Variants in CDC42EP4 observed in about 807,000 individuals in gnomAD.
The protein encoded by CDC42EP4 is CDC42 effector protein (Rho GTPase binding) 4.
CDC42EP4 carries 6 observed loss-of-function variants against 5.6 expected under a neutral mutation model. That is an observed-to-expected ratio of 1.07 (90% CI 0.59 to 2.12). The LOEUF is 2.12. Ranked by LOEUF, CDC42EP4 falls within the 30% of genes most tolerant of loss-of-function variation. The pLI is 0.00. For missense variants in CDC42EP4, 490 were observed against 508.6 expected, an observed-to-expected ratio of 0.96 and a Z score of 0.35; for synonymous variants, 230 against 224.2, an observed-to-expected ratio of 1.03 and a Z score of -0.23.
In CDC42EP4 at chr17:73,283,751, G is replaced by A. The variant is rs1362299946; in HGVS notation, c.*1679C>T. 1 of 152,266 alleles carries A rather than the reference G, an allele frequency of 6.6e-6. No individual in the cohort carries two copies. Among genetic ancestry groups the A allele is most frequent in the Non-Finnish European group, 1.5e-5 (1 of 68,084 alleles). 9.4% of individuals were successfully genotyped at this position (152,266 alleles called of 1,614,324 possible). On this transcript the variant is annotated 3_prime_UTR_variant, in exon 2 of 2. Coordinates refer to ENST00000335793, the MANE Select transcript of CDC42EP4 (RefSeq NM_012121.5). ...CTGGCGGGGGCTGCATAGCCCCTGA[G>A]GTTCCTCCCCCACCATGGGACCTAA...
Position 73,285,689 on chromosome 17 carries a change from G to A in CDC42EP4, c.812C>T (p.Pro271Leu). The change falls in exon 2 of 2, where the codon CCA (proline) becomes CTA (leucine). Residue 271 changes from proline to leucine, a missense_variant. Physicochemically the swap from Pro to Leu is moderately conservative, Grantham distance 98 (BLOSUM62 -3). Transcript: ENST00000335793. The surrounding 1 kb of genome is among the most constrained non-coding windows in gnomAD (Gnocchi z 6.8). ...ATGGGAGGGGAGGGAGGGCAAGTCT[G>A]GGCCAGCCTTGCCTTCCTGCCTTGC... The part of the protein sequence containing the change: ...PLARQEGKAG[P>L]DLPSLPSHAL... 1 of 1,572,406 alleles carries A rather than the reference G, an allele frequency of 6.4e-7. No individual in the cohort carries two copies. Among genetic ancestry groups the A allele is most frequent in the Non-Finnish European group, 8.7e-7 (1 of 1,154,378 alleles).
rs371743473 is a variant in CDC42EP4, at chr17:73,286,451, C to T, written c.50G>A (p.Arg17His). Reference protein sequence around the residue: ...LVSSSVHSKRRSRADLTAEMI... With the variant: ...LVSSSVHSKRHSRADLTAEMI... The stretch of plus-strand genomic sequence containing the variant: ...CTCGGCCGTGAGGTCCGCTCGGGAA[C>T]GGCGCTTGGAGTGCACCGAGCTGGA... The change falls in exon 2 of 2, where the codon CGT (arginine) becomes CAT (histidine). Residue 17 changes from arginine (R) to histidine (H), a missense_variant. Coordinates refer to ENST00000335793, the MANE Select transcript of CDC42EP4 (RefSeq NM_012121.5). The surrounding 1 kb of genome is among the most constrained non-coding windows in gnomAD (Gnocchi z 7.7). 5.0e-5 allele frequency: 81 copies of T among 1,611,152 alleles called. No individual in the cohort carries two copies. The highest frequency in any genetic ancestry group is 7.7e-5 in the South Asian group (7 of 90,850).
chr17:73,303,781 G>T (rs2062231481), intron 1 of CDC42EP4, among the ~76,000 whole-genome samples: 3 of 152,062 alleles, frequency 2.0e-5, no homozygotes. Flanking sequence ...ATCATCCTAG[G>T]GCTAGTCCCA....
chr17:73,302,549 T>C (rs1027323688), intron 1 of CDC42EP4, among the ~76,000 whole-genome samples: 2 of 151,888 alleles, frequency 1.3e-5, no homozygotes, highest in African/African-American at 4.8e-5. Flanking sequence ...CAATTACAGC[T>C]CATTGTAGCC....
intron 1 of CDC42EP4, among the ~76,000 whole-genome samples, chr17:73,294,811 T>C (rs2062176901): frequency 6.6e-6 from 1 of 152,034 alleles, no homozygotes; most frequent in South Asian, 2.1e-4. Flanking sequence ...GGATTTTCTT[T>C]TTCTTTCTTT....
chr17:73,295,322 C>T (rs1224466676), intron 1 of CDC42EP4, among the ~76,000 whole-genome samples: 1 of 152,182 alleles, frequency 6.6e-6, no homozygotes, highest in Non-Finnish European at 1.5e-5. Flanking sequence ...AGTCTCTTGA[C>T]TCCCACCCCA....
At chr17:73,301,564 T>C (rs1472991314) in intron 1 of CDC42EP4, among the ~76,000 whole-genome samples, 2 of 152,240 alleles carry the variant, frequency 1.3e-5, no homozygotes, top group Admixed American at 1.3e-4. Context: ...TATTTCCAGA[T>C]GATACATTCT....
Position 73,285,426 on chromosome 17 carries a change from C to G in CDC42EP4, c.*4G>C, listed in dbSNP as rs374087576. On this transcript the variant is annotated 3_prime_UTR_variant, in exon 2 of 2. Transcript: ENST00000335793. This position sits in a 1 kb window ranked among gnomAD's most constrained non-coding sequence, Gnocchi z 6.8. ...GAGCTCCCGGTGGCCACCCACTGTC[C>G]GCCTCACACACGGATTTCATCCTCC... 2 of 1,541,084 alleles carry G rather than the reference C, an allele frequency of 1.3e-6. No individual in the cohort carries two copies. The highest frequency in any genetic ancestry group is 1.4e-5 in the African/African-American group (1 of 73,216).
intron 1 of CDC42EP4, among the ~76,000 whole-genome samples, chr17:73,291,632 G>C (rs953627131): frequency 6.6e-6 from 1 of 152,064 alleles, no homozygotes; most frequent in Non-Finnish European, 1.5e-5. Context: ...CTGGGGAAGT[G>C]GCTAAAATAG....
rs145881314 is a variant in CDC42EP4 at position 73,286,327 on chromosome 17, G to A, written c.174C>T (p.Gly58=). 3.9e-4 allele frequency: 622 copies of A among 1,614,178 alleles called. 1 individual carries two copies. The highest frequency in any genetic ancestry group is 4.7e-4 in the Non-Finnish European group (549 of 1,180,034). Reference sequence around the variant, plus strand: ...CGTCCAAGGACTCGCCGTCGGGCTCGCCAGCCTTGCTATTGAGGAAGGAGG... The same window carrying A: ...CGTCCAAGGACTCGCCGTCGGGCTCACCAGCCTTGCTATTGAGGAAGGAGG... ...GDTSFLNSKA[G]EPDGESLDEQ... The change falls in exon 2 of 2, where the codon GGC becomes GGT. Residue 58 remains glycine, a synonymous_variant. Transcript: ENST00000335793. This position sits in a 1 kb window ranked among gnomAD's most constrained non-coding sequence, Gnocchi z 7.7.
At chr17:73,299,444 T>TACACACACACACACACACACAC (rs71154990) in intron 1 of CDC42EP4, among the ~76,000 whole-genome samples, 2 of 127,972 alleles carry the variant, frequency 1.6e-5, no homozygotes, top group African/African-American at 5.9e-5. Flanking sequence ...AAAAAAAAAA[T>TACACACACACACACACACACAC]ACACACACAC....
At position 73,309,075 on chromosome 17, in the gene CDC42EP4, G is replaced by A. The variant is rs1360673967; in HGVS notation, c.-113+2818C>T. 3.7e-5 allele frequency among the ~76,000 whole-genome samples: 5 copies of A among 136,754 alleles called. No individual in the cohort carries two copies. In the East Asian group the frequency reaches 1.2e-3, roughly 32 times the overall value. The allele number at this position is 136,754 out of a possible 152,430, so 89.7% of individuals were successfully genotyped here. A position where few individuals can be genotyped will look rare whatever the true frequency, so the allele number is the denominator to read the frequency against. Reference sequence around the variant, plus strand: ...AAAAAAAAAGGGTTGGCCAGGTGCAGTGGCTCATACCTGTATGCCCAGCAC... The same window carrying A: ...AAAAAAAAAGGGTTGGCCAGGTGCAATGGCTCATACCTGTATGCCCAGCAC... On this transcript the variant is annotated intron_variant, in intron 1 of 1. Coordinates refer to ENST00000335793, the MANE Select transcript of CDC42EP4 (RefSeq NM_012121.5).
intron 1 of CDC42EP4, among the ~76,000 whole-genome samples, chr17:73,297,295 CA>C (rs771033180): frequency 1.6e-3 from 161 of 101,164 alleles, no homozygotes; most frequent in Middle Eastern, 6.4e-3. Context: ...ACTTCGTCTC[CA>C]AAAAAAAAAA....
intron 1 of CDC42EP4, among the ~76,000 whole-genome samples, chr17:73,299,443 AT>A (rs762856013): frequency 0.62 from 68,644 of 111,310 alleles, 19,434 homozygotes; most frequent in East Asian, 0.74. Flanking sequence ...AAAAAAAAAA[AT>A]ACACACACAC....
rs1213229097 is a variant in CDC42EP4, at chr17:73,284,326, G to T, written c.*1104C>A. 6.6e-6 allele frequency: 1 copy of T among 151,974 alleles called. No individual in the cohort carries two copies. Among genetic ancestry groups the T allele is most frequent in the Non-Finnish European group, 1.5e-5 (1 of 67,996 alleles). 9.4% of individuals were successfully genotyped at this position (151,974 alleles called of 1,614,324 possible). On this transcript the variant is annotated 3_prime_UTR_variant, in exon 2 of 2. Coordinates refer to ENST00000335793, the MANE Select transcript of CDC42EP4 (RefSeq NM_012121.5). ...TAACTCAGCCAAAAAGAAAAAAAAG[G>T]CTTTCCCCCCATAGGAATGATATAT...
intron 1 of CDC42EP4, among the ~76,000 whole-genome samples, chr17:73,307,739 C>G (rs112024432): frequency 4.1e-5 from 6 of 146,032 alleles, no homozygotes; most frequent in African/African-American, 1.5e-4. Flanking sequence ...TGAGCCACCA[C>G]GCCTGGCCCT....
intron 1 of CDC42EP4, among the ~76,000 whole-genome samples, chr17:73,297,001 A>AAAAAACAAAAAAAAAAAAAAAACAC (rs547362762): frequency 3.2e-5 from 2 of 61,734 alleles, no homozygotes; most frequent in Non-Finnish European, 3.3e-5. Context: ...AAAAAAAAAA[A>AAAAAACAAAAAAAAAAAAAAAACAC]AAATACACAA....
At position 73,286,333 on chromosome 17, in the gene CDC42EP4, C is replaced by G. The variant is rs775349227; in HGVS notation, c.168G>C (p.Lys56Asn). Residue 56 changes from lysine (K) to asparagine (N), a missense_variant, in exon 2 of 2, where the codon AAG becomes AAC. Coordinates refer to ENST00000335793, the MANE Select transcript of CDC42EP4 (RefSeq NM_012121.5). The surrounding 1 kb of genome is among the most constrained non-coding windows in gnomAD (Gnocchi z 7.7). ...AGGACTCGCCGTCGGGCTCGCCAGC[C>G]TTGCTATTGAGGAAGGAGGTGTCCC... ...AFGDTSFLNSKAGEPDGESLD... is the reference protein window; with the variant it reads ...AFGDTSFLNSNAGEPDGESLD... 13 of 1,614,202 alleles carry G rather than the reference C, an allele frequency of 8.1e-6. 1 individual carries two copies. The South Asian group carries it at 1.2e-4, about 15-fold the overall frequency.
intron 1 of CDC42EP4, chr17:73,310,798 C>T (rs901088492): frequency 6.6e-6 from 1 of 152,008 alleles, no homozygotes; most frequent in Non-Finnish European, 1.4e-5. Context: ...CACACACGCA[C>T]TTCAGTCCTC....
Sources: gnomAD v4.1 joint callset for allele counts (sites outside exome capture counted in the v4.1 genomes callset) on GRCh38, gnomAD v4.1.1 for gene constraint, Gnocchi (gnomAD v3.1) non-coding constraint, MANE v1.5 for transcripts, NCBI Gene and HGNC (gene_info 2026-07-23, HGNC 2026-07-21) for gene names.